Variants in SORCS1 observed in about 807,000 individuals in gnomAD.
SORCS1 encodes the protein sortilin related VPS10 domain containing receptor 1.
In SORCS1, 60 loss-of-function variants were observed where a neutral mutation model predicts 146.1. That is an observed-to-expected ratio of 0.41 (90% CI 0.33 to 0.51). The LOEUF (loss-of-function observed/expected upper bound fraction) is 0.51. Ranked by LOEUF, SORCS1 falls within the 20% of genes least tolerant of loss-of-function variation. The pLI is 0.21. For synonymous variants in SORCS1, 637 were observed against 584.0 expected (o/e 1.09, Z -1.31); for missense variants, 1,352 against 1,487.6 (o/e 0.91, Z 1.50).
chr10:106,963,265 A>T (rs373869469), intron 1 of SORCS1, among the ~76,000 whole-genome samples: 1 of 151,546 alleles, frequency 6.6e-6, no homozygotes, highest in South Asian at 2.1e-4. Flanking sequence ...ACAGGCGCCC[A>T]CCACCACGCC....
chr10:107,100,740 G>C (rs977330420), intron 1 of SORCS1, among the ~76,000 whole-genome samples: 5 of 152,126 alleles, frequency 3.3e-5, no homozygotes, highest in Non-Finnish European at 7.4e-5. Flanking sequence ...ATTATTTTAA[G>C]ATCTAACTCC....
chr10:106,778,510 C>G (rs931467400), intron 3 of SORCS1, among the ~76,000 whole-genome samples: 1 of 152,122 alleles, frequency 6.6e-6, no homozygotes, highest in Admixed American at 6.6e-5. Context: ...TCATTAAAAT[C>G]TAGTGTATGC....
chr10:106,674,257 A>G (rs1377122252), intron 14 of SORCS1, among the ~76,000 whole-genome samples: 1 of 142,716 alleles, frequency 7.0e-6, no homozygotes, highest in Non-Finnish European at 1.5e-5. Context: ...TGAACCCAGG[A>G]GGCAGAGCCT....
At chr10:106,912,523 G>A (rs1052956667) in intron 2 of SORCS1, among the ~76,000 whole-genome samples, 67 of 151,994 alleles carry the variant, frequency 4.4e-4, no homozygotes, top group African/African-American at 1.4e-3. Flanking sequence ...CAAAATTTTC[G>A]GACCACCACT....
At chr10:106,814,894 G>T (rs1403828388) in intron 3 of SORCS1, among the ~76,000 whole-genome samples, 17 of 105,134 alleles carry the variant, frequency 1.6e-4, no homozygotes, top group African/African-American at 6.5e-4. Context: ...CAGCCTGGGC[G>T]ACAGAGCGAG....
intron 1 of SORCS1, among the ~76,000 whole-genome samples, chr10:107,069,533 G>T (rs113021477): frequency 4.5e-4 from 69 of 151,956 alleles, no homozygotes; most frequent in African/African-American, 1.4e-3. Context: ...CCACCACCAC[G>T]CCTGGCTAAT....
chr10:106,884,774 T>G (rs1950932370), intron 2 of SORCS1, among the ~76,000 whole-genome samples: 1 of 152,212 alleles, frequency 6.6e-6, no homozygotes, highest in Non-Finnish European at 1.5e-5. Flanking sequence ...AAGACTTGAA[T>G]GTTTATCCAA....
intron 5 of SORCS1, among the ~76,000 whole-genome samples, chr10:106,735,294 T>A (rs1856873242): frequency 6.6e-6 from 1 of 152,224 alleles, no homozygotes; most frequent in South Asian, 2.1e-4. Flanking sequence ...TTCAATTATT[T>A]ATTCATTTAT....
chr10:107,154,377 G>A (rs1969105363), intron 1 of SORCS1, among the ~76,000 whole-genome samples: 1 of 152,124 alleles, frequency 6.6e-6, no homozygotes, highest in South Asian at 2.1e-4. Flanking sequence ...ATGGGTTTAT[G>A]TTTGTACTAT....
intron 2 of SORCS1, among the ~76,000 whole-genome samples, chr10:106,905,788 G>T (rs79428676): frequency 0.019 from 2,861 of 152,250 alleles, 83 homozygotes; most frequent in East Asian, 0.11. Context: ...GCATTTGTAT[G>T]TATATCAGAA....
intron 1 of SORCS1, among the ~76,000 whole-genome samples, chr10:106,962,394 C>CAAA (rs60616146): frequency 0.12 from 7,371 of 62,090 alleles, 629 homozygotes; most frequent in East Asian, 0.26. Context: ...AACTCCATCT[C>CAAA]AAAAAAAAAA....
chr10:107,125,082 A>C (rs1408962071), intron 1 of SORCS1, among the ~76,000 whole-genome samples: 1 of 150,642 alleles, frequency 6.6e-6, no homozygotes, highest in African/African-American at 2.4e-5. Flanking sequence ...CCTCCCAAGC[A>C]GCTGGGACTA....
intron 1 of SORCS1, among the ~76,000 whole-genome samples, chr10:107,009,664 C>A (rs567676460): frequency 6.6e-6 from 1 of 152,042 alleles, no homozygotes; most frequent in South Asian, 2.1e-4. Flanking sequence ...GGGACAGGCA[C>A]CAAAATACGC....
chr10:106,666,791 C>T (rs1851192282), intron 17 of SORCS1, among the ~76,000 whole-genome samples: 3 of 151,574 alleles, frequency 2.0e-5, no homozygotes, highest in African/African-American at 7.3e-5. Flanking sequence ...CTCTCACACT[C>T]CTGACCTCAA....
intron 24 of SORCS1, among the ~76,000 whole-genome samples, chr10:106,597,024 G>T (rs552815724): frequency 2.6e-5 from 4 of 152,148 alleles, no homozygotes; most frequent in African/African-American, 9.6e-5. Context: ...GCTGATTTTT[G>T]TATGTTTAGT....
chr10:106,929,919 CAG>C (rs1747050497), intron 2 of SORCS1, among the ~76,000 whole-genome samples: 2 of 152,302 alleles, frequency 1.3e-5, no homozygotes, highest in South Asian at 4.1e-4. Flanking sequence ...TGCTTGCTAA[CAG>C]AGAATGGATG....
chr10:106,654,934 G>T (rs2135294826), intron 17 of SORCS1, among the ~76,000 whole-genome samples: 1 of 151,952 alleles, frequency 6.6e-6, no homozygotes, highest in South Asian at 2.1e-4. Context: ...ATGGCTCACT[G>T]CAGCTTCCAC....
Position 106,677,357 on chromosome 10 carries a change from G to A in SORCS1, c.1788C>T (p.Val596=). ...HSVLYLDQGG[V]LVAMKHTSLP... is the part of the protein sequence containing the mutation. Reference sequence around the variant, plus strand: ...GAGATGTGTGTTTCATAGCAACCAGGACTCCACCTTGATCCAGGTACAAAA... The same window carrying A: ...GAGATGTGTGTTTCATAGCAACCAGAACTCCACCTTGATCCAGGTACAAAA... Residue 596 remains valine (V), a synonymous_variant, in exon 13 of 26, where the codon GTC becomes GTT. Transcript: ENST00000263054. The A allele has an allele frequency of 6.2e-7, 1 of 1,613,978 alleles. No individual in the cohort carries two copies.
intron 3 of SORCS1, among the ~76,000 whole-genome samples, chr10:106,822,137 ACAGATAATATCC>A (rs1193736802): frequency 6.6e-6 from 1 of 152,150 alleles, no homozygotes; most frequent in Non-Finnish European, 1.5e-5. Flanking sequence ...TTAGATAGAC[ACAGATAATATCC>A]CAGAAAAATC....
Sources: allele counts gnomAD v4.1 joint callset (sites outside exome capture counted in the v4.1 genomes callset), GRCh38; gene constraint gnomAD v4.1.1; transcripts MANE v1.5; gene names NCBI Gene and HGNC (gene_info 2026-07-23, HGNC 2026-07-21).